Variants in CDC42SE2 observed in about 807,000 individuals in gnomAD.
CDC42SE2 encodes CDC42 small effector protein 2.
In CDC42SE2, 3 loss-of-function variants were observed where a neutral mutation model predicts 11.5. The ratio of observed to expected loss-of-function variants is 0.26; its 90% CI spans 0.12 to 0.67. The LOEUF (loss-of-function observed/expected upper bound fraction) is 0.67, where lower values mean the gene tolerates loss of function less well. Among genes scored for constraint, CDC42SE2 ranks in the 30% least tolerant of loss-of-function variants. The probability of loss-of-function intolerance (pLI) is 0.80; values close to 1 mark genes in which losing one functional copy is unlikely to be tolerated. For missense variants in CDC42SE2, 82 were observed against 106.8 expected, an observed-to-expected ratio of 0.77 and a Z score of 1.02; for synonymous variants, 33 against 34.8, an observed-to-expected ratio of 0.95 and a Z score of 0.18.
intron 1 of CDC42SE2, among the ~76,000 whole-genome samples, chr5:131,282,865 G>C (rs1438302727): frequency 6.6e-6 from 1 of 150,406 alleles, no homozygotes; most frequent in Non-Finnish European, 1.5e-5. Context: ...TCCTGACCTC[G>C]TGATGCGCCT....
chr5:131,238,892 G>T, the CDC42SE2 span, among the ~76,000 whole-genome samples: 1 of 151,620 alleles, frequency 6.6e-6, no homozygotes, highest in Non-Finnish European at 1.5e-5. Context: ...ATTACACCGG[G>T]CACGGCTGTA....
chr5:131,343,405 G>T (rs1356809023), intron 2 of CDC42SE2, among the ~76,000 whole-genome samples: 1 of 152,054 alleles, frequency 6.6e-6, no homozygotes, highest in Non-Finnish European at 1.5e-5. Context: ...AAGAGTTTAG[G>T]GAATATGGAT....
intron 1 of CDC42SE2, among the ~76,000 whole-genome samples, chr5:131,313,978 C>T (rs1580748685): frequency 1.3e-5 from 2 of 152,232 alleles, no homozygotes; most frequent in Non-Finnish European, 1.5e-5. Flanking sequence ...CAGGTGTGCA[C>T]CACCATGCCC....
rs1750725787 is a variant in CDC42SE2 at position 131,393,398 on chromosome 5, G to A, written c.*2307G>A. 6.6e-6 allele frequency: 1 copy of A among 152,344 alleles called. No individual in the cohort carries two copies. The highest frequency in any genetic ancestry group is 2.4e-5 in the African/African-American group (1 of 41,444). 9.4% of individuals were successfully genotyped at this position (152,344 alleles called of 1,614,324 possible). A position where few individuals can be genotyped will look rare whatever the true frequency, so the allele number is the denominator to read the frequency against. ...TTGTATTTTGCAGTTTTGAGCCTTTGTGTCAATCCCAAGCACAGAGAGGAT... is the reference window on the plus strand; with the variant it reads ...TTGTATTTTGCAGTTTTGAGCCTTTATGTCAATCCCAAGCACAGAGAGGAT... On this transcript the variant is annotated 3_prime_UTR_variant, in exon 5 of 5. Transcript: ENST00000505065.
At chr5:131,246,208 C>T (rs533880695) in intron 1 of CDC42SE2, among the ~76,000 whole-genome samples, 4 of 152,294 alleles carry the variant, frequency 2.6e-5, no homozygotes, top group South Asian at 4.1e-4. Context: ...GCAATCCCAG[C>T]GCTTTGGGAG....
intron 1 of CDC42SE2, among the ~76,000 whole-genome samples, chr5:131,286,708 TCTA>T (rs1757349415): frequency 6.6e-6 from 1 of 152,028 alleles, no homozygotes; most frequent in African/African-American, 2.4e-5. Flanking sequence ...TTTATGATGA[TCTA>T]CTCCACTTAA....
intron 1 of CDC42SE2, among the ~76,000 whole-genome samples, chr5:131,276,321 C>T (rs186936405): frequency 2.0e-5 from 3 of 149,886 alleles, no homozygotes; most frequent in Non-Finnish European, 4.4e-5. Context: ...CAGGCCTGTA[C>T]ACCCATAGTC....
In CDC42SE2 at chr5:131,278,735, TCCCCTC is replaced by T. The variant is rs1757163348; in HGVS notation, c.-455+14579_-455+14584del. On this transcript the variant is annotated intron_variant, in intron 1 of 4. Transcript: ENST00000505065. ...CTCTCCCCTCCCCTCCCCCCTCCCC[TCCCCTC>T]CCCCTCCCCTCCCCTCTCCTCTCCC... is the stretch of plus-strand genomic sequence containing the variant. Among the ~76,000 whole-genome samples the T allele has an allele frequency of 5.6e-4, 3 of 5,380 alleles. No homozygotes were observed. The African/African-American group carries it at 5.6e-3, about 10-fold the overall frequency. 3.5% of individuals were successfully genotyped at this position (5,380 alleles called of 152,430 possible). A position where few individuals can be genotyped will look rare whatever the true frequency, so the allele number is the denominator to read the frequency against.
chr5:131,360,800 A>G (rs1301929469), intron 3 of CDC42SE2, among the ~76,000 whole-genome samples: 1 of 151,480 alleles, frequency 6.6e-6, no homozygotes, highest in Non-Finnish European at 1.5e-5. Context: ...CCCAATCTCA[A>G]GTGATTCACC....
chr5:131,307,777 T>C (rs1189903481), intron 1 of CDC42SE2, among the ~76,000 whole-genome samples: 1 of 152,220 alleles, frequency 6.6e-6, no homozygotes, highest in African/African-American at 2.4e-5. Context: ...TGTGAGATGG[T>C]ATGTCATTGT....
At chr5:131,338,212 T>C (rs1337515768) in intron 2 of CDC42SE2, among the ~76,000 whole-genome samples, 3 of 151,990 alleles carry the variant, frequency 2.0e-5, no homozygotes, top group Non-Finnish European at 4.4e-5. Context: ...TACTGGCCAG[T>C]AGGCACCTCT....
At chr5:131,311,424 G>T (rs1030426180) in intron 1 of CDC42SE2, among the ~76,000 whole-genome samples, 41 of 151,602 alleles carry the variant, frequency 2.7e-4, no homozygotes, top group African/African-American at 8.0e-4. Flanking sequence ...ATGTGTCTTG[G>T]AGTTGCTCTT....
intron 1 of CDC42SE2, among the ~76,000 whole-genome samples, chr5:131,285,653 G>A (rs1003018654): frequency 3.9e-5 from 6 of 152,180 alleles, no homozygotes; most frequent in Non-Finnish European, 7.3e-5. Context: ...TTTTTAGGCA[G>A]AAAGATATCT....
rs144016347 is a variant in CDC42SE2, at chr5:131,348,516, T to C, written c.-285-10693T>C. Reference sequence around the variant, plus strand: ...GGGATACAAACAAATGGAAGAACATTCCATGCTCATGGATAGGAGGAATCA... The same window carrying C: ...GGGATACAAACAAATGGAAGAACATCCCATGCTCATGGATAGGAGGAATCA... On this transcript the variant is annotated intron_variant, in intron 2 of 4. Transcript: ENST00000505065. 5.0e-3 allele frequency among the ~76,000 whole-genome samples: 761 copies of C among 152,226 alleles called. 11 individuals are homozygous for C. Among genetic ancestry groups the C allele is most frequent in the African/African-American group, 0.018 (731 of 41,504 alleles).
the CDC42SE2 span, among the ~76,000 whole-genome samples, chr5:131,222,230 A>G: frequency 6.6e-6 from 1 of 152,220 alleles, no homozygotes; most frequent in Non-Finnish European, 1.5e-5. Flanking sequence ...GCAAAGATGA[A>G]ATGGATTTTT....
chr5:131,382,491 A>G (rs1750354175), intron 3 of CDC42SE2, among the ~76,000 whole-genome samples: 1 of 152,180 alleles, frequency 6.6e-6, no homozygotes. Flanking sequence ...TCTGGAGGAA[A>G]TGATGCAGAA....
chr5:131,392,710 T>C lies in CDC42SE2; in HGVS notation c.*1619T>C, dbSNP rs1287558496. Reference sequence around the variant, plus strand: ...TCCTCCAGTCCAATCCTGAGCATCTTCATCTTATTAATTAGCTGTTCGTTT... The same window carrying C: ...TCCTCCAGTCCAATCCTGAGCATCTCCATCTTATTAATTAGCTGTTCGTTT... On this transcript the variant is annotated 3_prime_UTR_variant, in exon 5 of 5. Coordinates refer to ENST00000505065, the MANE Select transcript of CDC42SE2 (RefSeq NM_001375635.1). The C allele has an allele frequency of 6.6e-6, 1 of 152,388 alleles. No individual in the cohort carries two copies. The highest frequency in any genetic ancestry group is 6.5e-5 in the Admixed American group (1 of 15,286). The allele number at this position is 152,388 out of a possible 1,614,324, so 9.4% of individuals were successfully genotyped here.
chr5:131,274,590 T>C (rs948604451), intron 1 of CDC42SE2, among the ~76,000 whole-genome samples: 2 of 152,246 alleles, frequency 1.3e-5, no homozygotes, highest in African/African-American at 4.8e-5. Context: ...CTGATTATTT[T>C]ACTCCTGTGT....
At chr5:131,325,843 A>T (rs1758288438) in intron 2 of CDC42SE2, among the ~76,000 whole-genome samples, 1 of 152,116 alleles carries the variant, frequency 6.6e-6, no homozygotes, top group South Asian at 2.1e-4. Flanking sequence ...CTTTCACTAC[A>T]TACTGCTTCT....
Sources: gnomAD v4.1 joint callset for allele counts (sites outside exome capture counted in the v4.1 genomes callset) on GRCh38, gnomAD v4.1.1 for gene constraint, MANE v1.5 for transcripts, NCBI Gene and HGNC (gene_info 2026-07-23, HGNC 2026-07-21) for gene names.